Variants in IPMK observed in about 807,000 individuals in gnomAD.
The protein encoded by IPMK is inositol polyphosphate multikinase.
In IPMK, 17 loss-of-function variants were observed where a neutral mutation model predicts 45.8. The observed-to-expected ratio is 0.37, with a 90% CI of 0.25 to 0.56. IPMK has a LOEUF of 0.56. IPMK is among the 20% of genes least tolerant of loss of function. The probability of loss-of-function intolerance (pLI) is 0.79; values close to 1 mark genes in which losing one functional copy is unlikely to be tolerated. For synonymous variants in IPMK, 180 were observed against 184.3 expected (o/e 0.98, Z 0.19); for missense variants, 399 against 498.0 (o/e 0.80, Z 1.89).
At position 58,234,846 on chromosome 10, in the gene IPMK, T is replaced by C. The variant is rs188608699; in HGVS notation, c.276+2883A>G. On this transcript the variant is annotated intron_variant, in intron 2 of 5. Coordinates refer to ENST00000373935, the MANE Select transcript of IPMK (RefSeq NM_152230.5). Reference sequence around the variant, plus strand: ...CTAATTAAACTGAAGAGCTTCTGCATGGCAAAAGAAACTACCATCAGAGTG... The same window carrying C: ...CTAATTAAACTGAAGAGCTTCTGCACGGCAAAAGAAACTACCATCAGAGTG... Among the ~76,000 whole-genome samples, 95 of 152,216 alleles carry C rather than the reference T, an allele frequency of 6.2e-4. 1 individual carries two copies. In the East Asian group the frequency reaches 0.017, roughly 28 times the overall value.
intron 3 of IPMK, among the ~76,000 whole-genome samples, chr10:58,218,833 T>C (rs1024082668): frequency 1.3e-5 from 2 of 152,216 alleles, no homozygotes; most frequent in Non-Finnish European, 2.9e-5. Context: ...CTTTTTCTTT[T>C]TGAAAGGAGG....
chr10:58,228,671 C>A (rs1838458954), intron 2 of IPMK, among the ~76,000 whole-genome samples: 1 of 152,146 alleles, frequency 6.6e-6, no homozygotes, highest in Admixed American at 6.5e-5. Context: ...GTAGCTGGGA[C>A]TACAGGCGTC....
At chr10:58,215,433 G>C (rs1332353532) in intron 4 of IPMK, among the ~76,000 whole-genome samples, 1 of 149,364 alleles carries the variant, frequency 6.7e-6, no homozygotes, top group East Asian at 2.0e-4. Context: ...TTCTGAGACA[G>C]GGTCTCACTT....
At chr10:58,217,189 C>T (rs1254164004) in intron 3 of IPMK, among the ~76,000 whole-genome samples, 2 of 136,722 alleles carry the variant, frequency 1.5e-5, no homozygotes, top group Non-Finnish European at 3.1e-5. Context: ...AGAACACAGG[C>T]ATTCCCCAAA....
intron 5 of IPMK, among the ~76,000 whole-genome samples, chr10:58,198,200 G>A (rs1341498822): frequency 6.6e-6 from 1 of 151,966 alleles, no homozygotes; most frequent in East Asian, 1.9e-4. Context: ...CAATAATATT[G>A]ATTAAGTCAA....
At chr10:58,253,885 G>A (rs1342152600) in intron 1 of IPMK, among the ~76,000 whole-genome samples, 3 of 151,968 alleles carry the variant, frequency 2.0e-5, no homozygotes, top group Non-Finnish European at 2.9e-5. Context: ...CAGGGTTTCT[G>A]CTGAGGAATC....
At chr10:58,221,333 T>TC (rs1838330595) in intron 3 of IPMK, among the ~76,000 whole-genome samples, 2 of 150,324 alleles carry the variant, frequency 1.3e-5, no homozygotes, top group Admixed American at 6.6e-5. Context: ...CATCCTTCCT[T>TC]CCCCCATCAT....
chr10:58,232,260 T>C (rs1396617729), intron 2 of IPMK, among the ~76,000 whole-genome samples: 1 of 152,134 alleles, frequency 6.6e-6, no homozygotes, highest in South Asian at 2.1e-4. Context: ...ACTGTCAATA[T>C]TAAGACATAT....
intron 1 of IPMK, among the ~76,000 whole-genome samples, chr10:58,243,558 C>A (rs1275678046): frequency 6.6e-6 from 1 of 152,178 alleles, no homozygotes; most frequent in Non-Finnish European, 1.5e-5. Context: ...TTGGTGAAAA[C>A]GAGGTTTCCC....
At position 58,216,065 on chromosome 10, in the gene IPMK, G is replaced by T. The variant is rs571016800; in HGVS notation, c.546+80C>A. The stretch of plus-strand genomic sequence containing the variant: ...AAATACATTATTTTCTGATATATTA[G>T]TACTACAATGACATCCATAATTTTC... On this transcript the variant is annotated intron_variant, in intron 4 of 5. Coordinates refer to ENST00000373935, the MANE Select transcript of IPMK (RefSeq NM_152230.5). 6 of 858,266 alleles carry T rather than the reference G, an allele frequency of 7.0e-6. No homozygotes were observed. In the South Asian group the frequency reaches 1.5e-4, roughly 21 times the overall value. The allele number at this position is 858,266 out of a possible 1,614,324, so 53.2% of individuals were successfully genotyped here.
chr10:58,229,582 T>G (rs1430467189), intron 2 of IPMK, among the ~76,000 whole-genome samples: 4 of 99,236 alleles, frequency 4.0e-5, no homozygotes, highest in Non-Finnish European at 5.9e-5. Context: ...AAAAAAAAAG[T>G]AATCTAAATA....
At chr10:58,220,720 G>A (rs1838319692) in intron 3 of IPMK, among the ~76,000 whole-genome samples, 1 of 152,132 alleles carries the variant, frequency 6.6e-6, no homozygotes, top group South Asian at 2.1e-4. Flanking sequence ...TTACTGTCAA[G>A]GCACACAGGT....
intron 5 of IPMK, 63 bp downstream of exon 5, chr10:58,199,177 T>G: frequency 2.0e-6 from 2 of 993,678 alleles, no homozygotes. Flanking sequence ...CAACTAAAAC[T>G]GAAATAACTT....
chr10:58,250,372 T>C (rs921766637), intron 1 of IPMK, among the ~76,000 whole-genome samples: 3 of 152,228 alleles, frequency 2.0e-5, no homozygotes, highest in African/African-American at 7.2e-5. Flanking sequence ...TAGTTTTTAT[T>C]GTAAAGATAT....
chr10:58,221,298 T>A (rs560980139), intron 3 of IPMK, among the ~76,000 whole-genome samples: 2 of 152,106 alleles, frequency 1.3e-5, no homozygotes, highest in South Asian at 4.1e-4. Context: ...TCTCCTCACT[T>A]TTCCATCCTC....
At chr10:58,226,006 G>C (rs564172919) in intron 3 of IPMK, among the ~76,000 whole-genome samples, 1 of 152,174 alleles carries the variant, frequency 6.6e-6, no homozygotes, top group African/African-American at 2.4e-5. Flanking sequence ...AAAGAAGGAA[G>C]GAATTAAGGG....
intron 2 of IPMK, among the ~76,000 whole-genome samples, chr10:58,233,605 C>A: frequency 6.6e-6 from 1 of 151,930 alleles, no homozygotes; most frequent in East Asian, 1.9e-4. Flanking sequence ...AAAAGGCCTT[C>A]AAGAAAATTC....
At chr10:58,245,251 T>C (rs1010265342) in intron 1 of IPMK, among the ~76,000 whole-genome samples, 1 of 150,770 alleles carries the variant, frequency 6.6e-6, no homozygotes, top group East Asian at 1.9e-4. Flanking sequence ...AAACAGAAAA[T>C]AGAATGATAG....
intron 4 of IPMK, among the ~76,000 whole-genome samples, chr10:58,209,805 G>A (rs1191154863): frequency 6.6e-6 from 1 of 152,178 alleles, no homozygotes; most frequent in Non-Finnish European, 1.5e-5. Context: ...TAGCTTTAGC[G>A]GTTGTTTTCT....
Sources: allele counts gnomAD v4.1 joint callset (sites outside exome capture counted in the v4.1 genomes callset), GRCh38; gene constraint gnomAD v4.1.1; transcripts MANE v1.5; gene names NCBI Gene and HGNC (gene_info 2026-07-23, HGNC 2026-07-21).